Variants in OTOA observed in about 807,000 individuals in gnomAD.
OTOA encodes the protein cancer/testis antigen 108.
OTOA carries 70 observed loss-of-function variants against 110.8 expected under a neutral mutation model. The ratio of observed to expected loss-of-function variants is 0.63; its 90% CI spans 0.52 to 0.77. The LOEUF (loss-of-function observed/expected upper bound fraction) is 0.77. Ranked by LOEUF, OTOA falls within the 30% of genes least tolerant of loss-of-function variation. The pLI is 0.00. For missense variants in OTOA, 917 were observed against 1,075.8 expected (o/e 0.85, Z 2.06); for synonymous variants, 373 against 431.5 (o/e 0.86, Z 1.68).
At chr16:21,739,509 C>T (rs1302394178) in intron 22 of OTOA, among the ~76,000 whole-genome samples, 2 of 152,312 alleles carry the variant, frequency 1.3e-5, no homozygotes, top group East Asian at 3.8e-4. Context: ...AAGAGAGAGG[C>T]CATGGGGCTC....
chr16:21,694,630 G>A (rs549022302), intron 9 of OTOA, among the ~76,000 whole-genome samples: 7 of 152,058 alleles, frequency 4.6e-5, no homozygotes, highest in Admixed American at 6.6e-5. Flanking sequence ...AACCAGTCAC[G>A]TAAGGCTCTG....
rs1377805334 is a variant in OTOA, at chr16:21,716,912, C to T, written c.1494C>T (p.Val498=). ...TTGCTTCTCGCTTCTGGCAGATGGT[C>T]CAAGCGGAAGACACTGCCCCAGGCA... is the stretch of plus-strand genomic sequence containing the variant. ...AQQQGILSKM[V]QAEDTAPGIV... Residue 498 remains valine (V), a synonymous_variant, in exon 15 of 29, where the codon GTC becomes GTT. Coordinates refer to ENST00000646100, the MANE Select transcript of OTOA (RefSeq NM_144672.4). The T allele has an allele frequency of 5.0e-6, 8 of 1,613,702 alleles. No homozygotes were observed. The highest frequency in any genetic ancestry group is 6.8e-6 in the Non-Finnish European group (8 of 1,179,980).
chr16:21,685,247 C>G lies in OTOA; in HGVS notation c.285C>G (p.His95Gln). 3 of 1,612,644 alleles carry G rather than the reference C, an allele frequency of 1.9e-6. No homozygotes were observed. The highest frequency in any genetic ancestry group is 1.7e-4 in the Middle Eastern group (1 of 6,044). ...IPSLQAAVENHLEQRLHQPQK... is the reference protein window; with the variant it reads ...IPSLQAAVENQLEQRLHQPQK... ...AAATACAGGCAGCCGTGGAAAACCACCTGGAGCAGCGTCTGCACCAGCCCC... is the reference window on the plus strand; with the variant it reads ...AAATACAGGCAGCCGTGGAAAACCAGCTGGAGCAGCGTCTGCACCAGCCCC... Residue 95 changes from histidine to glutamine, a missense_variant, in exon 7 of 29, where the codon CAC (histidine) becomes CAG (glutamine). Transcript: ENST00000646100.
At chr16:21,726,333 C>A (rs1898915175) in intron 18 of OTOA, among the ~76,000 whole-genome samples, 190 bp from the exon 19 acceptor site, 1 of 152,026 alleles carries the variant, frequency 6.6e-6, no homozygotes, top group Non-Finnish European at 1.5e-5. Flanking sequence ...GAAGTTTGTT[C>A]CCACCCATAG....
chr16:21,696,874 T>C (rs1347025590), intron 9 of OTOA, among the ~76,000 whole-genome samples: 1 of 151,752 alleles, frequency 6.6e-6, no homozygotes, highest in African/African-American at 2.4e-5. Flanking sequence ...AACCTGCATT[T>C]CTTATTTATT....
intron 19 of OTOA, 41 bp downstream of exon 19, chr16:21,726,699 C>G: frequency 6.2e-7 from 1 of 1,613,010 alleles, no homozygotes; most frequent in South Asian, 1.1e-5. Flanking sequence ...CTCTGGGTAT[C>G]TGTGGCCATC....
Position 21,681,753 on chromosome 16 carries a change from G to T in OTOA, c.195G>T (p.Thr65=). 1 of 1,613,874 alleles carries T rather than the reference G, an allele frequency of 6.2e-7. No homozygotes were observed. The highest frequency in any genetic ancestry group is 8.5e-7 in the Non-Finnish European group (1 of 1,179,828). ...LIQFQSSHVW[T]DDLSHRVLAY... Reference sequence around the variant, plus strand: ...TCAACTGAAGCTCCCACGTGTGGACGGATGACCTGTCCCACAGAGTCCTGG... The same window carrying T: ...TCAACTGAAGCTCCCACGTGTGGACTGATGACCTGTCCCACAGAGTCCTGG... The change falls in exon 6 of 29, where the codon ACG becomes ACT. Residue 65 remains threonine, a synonymous_variant. Coordinates refer to ENST00000646100, the MANE Select transcript of OTOA (RefSeq NM_144672.4).
chr16:21,715,936 G>T (rs1009318978), intron 14 of OTOA, among the ~76,000 whole-genome samples: 3 of 152,038 alleles, frequency 2.0e-5, no homozygotes, highest in African/African-American at 7.2e-5. Context: ...TTTAGATAGG[G>T]TCTTGCTCTA....
chr16:21,726,622 A>G lies in OTOA; in HGVS notation c.1980A>G (p.Lys660=). ...ACTCCTTGGTTTTAGATTCCCACAA[A>G]AAGACTTCAGTCCTCAGGAAAGTGC... ...WLDSLVLDSH[K]KTSVLRKVQQ... Residue 660 remains lysine, a synonymous_variant, in exon 19 of 29, where the codon AAA becomes AAG. Coordinates refer to ENST00000646100, the MANE Select transcript of OTOA (RefSeq NM_144672.4). 1 of 1,614,002 alleles carries G rather than the reference A, an allele frequency of 6.2e-7. No individual in the cohort carries two copies. Among genetic ancestry groups the G allele is most frequent in the Non-Finnish European group, 8.5e-7 (1 of 1,179,972 alleles).
intron 17 of OTOA, 45 bp from the exon 18 acceptor site, chr16:21,722,857 GTTC>G (rs780142185): frequency 2.3e-5 from 36 of 1,541,786 alleles, no homozygotes; most frequent in Non-Finnish European, 3.0e-5. Flanking sequence ...CACTGTGTTT[GTTC>G]TTCTTCTTAC....
At chr16:21,666,852 G>T (rs1245360959) in intron 1 of OTOA, among the ~76,000 whole-genome samples, 1 of 152,080 alleles carries the variant, frequency 6.6e-6, no homozygotes, top group African/African-American at 2.4e-5. Flanking sequence ...ATCCTGATGG[G>T]CTGCAGTTTC....
chr16:21,723,876 T>G (rs1235967345), intron 18 of OTOA, among the ~76,000 whole-genome samples: 2 of 152,194 alleles, frequency 1.3e-5, no homozygotes, highest in Non-Finnish European at 2.9e-5. Context: ...TTCCCATCAT[T>G]CTCAATACAC....
chr16:21,749,869 G>A (rs1159642290), intron 24 of OTOA, among the ~76,000 whole-genome samples: 6 of 142,864 alleles, frequency 4.2e-5, no homozygotes, highest in Non-Finnish European at 7.6e-5. Context: ...TTTTTTGGTA[G>A]AGACAAGCTT....
In OTOA at chr16:21,678,926, T is replaced by C. The variant is rs769011374; in HGVS notation, c.103T>C (p.Leu35=). ...TGGCTTTCTTACAGATTTGCATCCA[T>C]TGTTGCAAAACATGGCGGTGAGTAT... is the stretch of plus-strand genomic sequence containing the variant. The part of the protein sequence containing the change: ...VPNSRQDLHP[L]LQNMAEEIID... The change falls in exon 3 of 29, where the codon TTG becomes CTG. Residue 35 remains leucine (L), a synonymous_variant. Transcript: ENST00000646100. 50 of 1,613,588 alleles carry C rather than the reference T, an allele frequency of 3.1e-5. No homozygotes were observed. The highest frequency in any genetic ancestry group is 4.1e-5 in the Non-Finnish European group (48 of 1,179,966).
chr16:21,720,301 A>G (rs1898690459), intron 17 of OTOA, among the ~76,000 whole-genome samples: 1 of 152,178 alleles, frequency 6.6e-6, no homozygotes, highest in African/African-American at 2.4e-5. Context: ...CAGGCCTTAC[A>G]GCATTTGAAC....
intron 28 of OTOA, among the ~76,000 whole-genome samples, chr16:21,759,843 T>A (rs1597874561): frequency 6.6e-6 from 1 of 151,792 alleles, no homozygotes; most frequent in Admixed American, 6.6e-5. Flanking sequence ...GAGGCTACAG[T>A]GAGCCGAGAT....
At chr16:21,728,119 C>G in intron 19 of OTOA, 122 bp from the exon 20 acceptor site, 1 of 1,223,788 alleles carries the variant, frequency 8.2e-7, no homozygotes. Flanking sequence ...TCTGCCTCGG[C>G]CTCCCAGAGT....
chr16:21,681,950 G>A, intron 6 of OTOA, 125 bp downstream of exon 6: 1 of 853,642 alleles, frequency 1.2e-6, no homozygotes, highest in Non-Finnish European at 1.9e-6. Flanking sequence ...AAGGAAAAGG[G>A]TTCTGTCCAG....
chr16:21,720,055 A>C (rs1228041256), intron 17 of OTOA, among the ~76,000 whole-genome samples: 1 of 151,696 alleles, frequency 6.6e-6, no homozygotes, highest in Non-Finnish European at 1.5e-5. Flanking sequence ...TCCTGGGCTC[A>C]AGAGATCCTT....
Sources: allele counts gnomAD v4.1 joint callset (sites outside exome capture counted in the v4.1 genomes callset), GRCh38; gene constraint gnomAD v4.1.1; transcripts MANE v1.5; gene names NCBI Gene and HGNC (gene_info 2026-07-23, HGNC 2026-07-21).